PCA3: variants seen among roughly 807,000 people sequenced by gnomAD.
PCA3 encodes the protein prostate cancer associated 3, also known as Differential Display code 3.
chr9:76,780,692 A>AAAAC (rs140032621), intron 2 of PCA3, among the ~76,000 whole-genome samples: 2,891 of 152,178 alleles, frequency 0.019, 80 homozygotes, highest in African/African-American at 0.062. Context: ...CTCCGTCTCA[A>AAAAC]AAACAAACAA....
At chr9:76,767,235 T>A (rs1227543475) in intron 2 of PCA3, among the ~76,000 whole-genome samples, 1 of 152,086 alleles carries the variant, frequency 6.6e-6, no homozygotes, top group Non-Finnish European at 1.5e-5. Context: ...GCAGATCACT[T>A]GAGGTCGGGA....
intron 2 of PCA3, chr9:76,786,551 G>A (rs1290693815): frequency 6.6e-6 from 1 of 152,188 alleles, no homozygotes; most frequent in Non-Finnish European, 1.5e-5. Context: ...TCTAGCCTTT[G>A]CTTCCACGAC....
At chr9:76,783,286 A>C (rs553710617) in intron 2 of PCA3, among the ~76,000 whole-genome samples, 1 of 152,176 alleles carries the variant, frequency 6.6e-6, no homozygotes, top group South Asian at 2.1e-4. Flanking sequence ...ACAGGCATGC[A>C]CCAGCACGCC....
At chr9:76,766,273 A>G (rs58324278) in intron 2 of PCA3, among the ~76,000 whole-genome samples, 9 of 152,114 alleles carry the variant, frequency 5.9e-5, no homozygotes, top group African/African-American at 2.2e-4. Context: ...AGAAAAGACA[A>G]AAGCTTCAGG....
At chr9:76,786,045 G>A (rs1167204830) in intron 2 of PCA3, 1 of 152,174 alleles carries the variant, frequency 6.6e-6, no homozygotes, top group Non-Finnish European at 1.5e-5. Context: ...GTTCTCTTAA[G>A]CAAAATACTT....
chr9:76,781,553 C>T (rs1191711484), intron 2 of PCA3, among the ~76,000 whole-genome samples: 3 of 152,208 alleles, frequency 2.0e-5, no homozygotes, highest in Non-Finnish European at 4.4e-5. Context: ...AGAACTTACA[C>T]ACCTCCCTAT....
rs138028216 is a variant in PCA3, at chr9:76,786,127, T to G, written n.853-22456T>G. The G allele has an allele frequency of 4.3e-4, 65 of 152,322 alleles. 1 individual carries two copies. Among genetic ancestry groups the G allele is most frequent in the African/African-American group, 1.5e-3 (62 of 41,578 alleles). The allele number at this position is 152,322 out of a possible 1,614,324, so 9.4% of individuals were successfully genotyped here. A position where few individuals can be genotyped will look rare whatever the true frequency, so the allele number is the denominator to read the frequency against. On this transcript the variant is annotated intron_variant and non_coding_transcript_variant, in intron 2 of 5. Transcript: ENST00000644657. ...TTCAATTCTCAGCAGAAGCCAGAAT[T>G]TGAATTCCCTCATCTTTTAGGAATC...
At chr9:76,780,469 C>T (rs1342330646) in intron 2 of PCA3, among the ~76,000 whole-genome samples, 3 of 152,026 alleles carry the variant, frequency 2.0e-5, no homozygotes, top group Non-Finnish European at 4.4e-5. Flanking sequence ...GGGCGGATCA[C>T]GAGGCCAGGA....
rs869289049 is a variant in PCA3, at chr9:76,774,450, C to CTTTTTTTTTTTTTTTTTTTTTT, written n.853-34127_853-34106dup. Among the ~76,000 whole-genome samples the CTTTTTTTTTTTTTTTTTTTTTT allele has an allele frequency of 7.7e-4, 32 of 41,358 alleles. 1 individual carries two copies. Among genetic ancestry groups the CTTTTTTTTTTTTTTTTTTTTTT allele is most frequent in the Non-Finnish European group, 1.1e-3 (27 of 25,676 alleles). The allele number at this position is 41,358 out of a possible 152,430, so 27.1% of individuals were successfully genotyped here. Reference sequence around the variant, plus strand: ...ATCGTTCCTGGCCTCCAGTTCAACCCTTTTTTTTTTTTTTTTTTTTTTTTT... The same window carrying CTTTTTTTTTTTTTTTTTTTTTT: ...ATCGTTCCTGGCCTCCAGTTCAACCCTTTTTTTTTTTTTTTTTTTTTTTTTTTTTTTTTTTTTTTTTTTTTTT... On this transcript the variant is annotated intron_variant and non_coding_transcript_variant, in intron 2 of 5. Coordinates refer to ENST00000644657, the Ensembl canonical transcript of PCA3.
chr9:76,782,537 T>A (rs1409405832), intron 2 of PCA3: 1 of 152,208 alleles, frequency 6.6e-6, no homozygotes, highest in Non-Finnish European at 1.5e-5. Flanking sequence ...ATTAAATGAG[T>A]TAATTTTTGT....
intron 2 of PCA3, chr9:76,787,172 CT>C (rs2055070528): frequency 6.6e-6 from 1 of 151,976 alleles, no homozygotes; most frequent in African/African-American, 2.4e-5. Context: ...TTGTAAATTA[CT>C]TTTTCTTACA....
chr9:76,782,363 C>G (rs572503778), intron 2 of PCA3, among the ~76,000 whole-genome samples: 7 of 152,116 alleles, frequency 4.6e-5, no homozygotes, highest in Non-Finnish European at 1.0e-4. Context: ...TTGATAATTT[C>G]TGAGAGGCAG....
At chr9:76,776,902 AC>A (rs1422916171) in intron 2 of PCA3, among the ~76,000 whole-genome samples, 1 of 71,672 alleles carries the variant, frequency 1.4e-5, no homozygotes, top group Non-Finnish European at 2.7e-5. Flanking sequence ...ATACACACAC[AC>A]ACACACACAC....
intron 2 of PCA3, among the ~76,000 whole-genome samples, chr9:76,782,491 C>T (rs936570788): frequency 6.6e-6 from 1 of 152,158 alleles, no homozygotes; most frequent in Non-Finnish European, 1.5e-5. Flanking sequence ...AACATGAAGA[C>T]AACTACAGCA....
chr9:76,773,808 G>A (rs2053397543), intron 2 of PCA3, among the ~76,000 whole-genome samples: 1 of 152,160 alleles, frequency 6.6e-6, no homozygotes, highest in Non-Finnish European at 1.5e-5. Context: ...GTTTCAACTG[G>A]TAAAGGGAAT....
intron 2 of PCA3, chr9:76,778,507 T>G (rs898493862): frequency 2.0e-5 from 3 of 152,196 alleles, no homozygotes; most frequent in Non-Finnish European, 2.9e-5. Context: ...AGGAGATCAG[T>G]TGGAGCAAGC....
chr9:76,784,928 C>T (rs1035880174), intron 2 of PCA3: 2 of 152,010 alleles, frequency 1.3e-5, no homozygotes, highest in East Asian at 3.9e-4. Flanking sequence ...TTTTTTTTAA[C>T]CTGGAAGAAT....
At chr9:76,774,568 C>T (rs762605409) in intron 2 of PCA3, among the ~76,000 whole-genome samples, 7 of 149,518 alleles carry the variant, frequency 4.7e-5, no homozygotes, top group Non-Finnish European at 1.0e-4. Context: ...AAGCAATTCT[C>T]CTGTCTCAGC....
At chr9:76,775,570 G>A (rs1437586710) in intron 2 of PCA3, among the ~76,000 whole-genome samples, 1 of 151,992 alleles carries the variant, frequency 6.6e-6, no homozygotes, top group Non-Finnish European at 1.5e-5. Context: ...CAAAGTGTTG[G>A]GATTACAGGT....
Sources: allele counts gnomAD v4.1 joint callset (sites outside exome capture counted in the v4.1 genomes callset), GRCh38; gene constraint gnomAD v4.1.1; transcripts MANE v1.5; gene names NCBI Gene and HGNC (gene_info 2026-07-23, HGNC 2026-07-21).